ADAM23: variants seen among roughly 807,000 people sequenced by gnomAD.
ADAM23 encodes the protein ADAM metallopeptidase domain 23, also known as disintegrin and metalloproteinase domain-containing protein 23.
Under a neutral mutation model 120.1 loss-of-function variants are expected in ADAM23, and 33 were observed. The ratio of observed to expected loss-of-function variants is 0.27; its 90% CI spans 0.21 to 0.37. ADAM23 has a LOEUF of 0.37. Among genes scored for constraint, ADAM23 ranks in the 10% least tolerant of loss-of-function variants. The probability of loss-of-function intolerance (pLI) is 1.00; values close to 1 mark genes in which losing one functional copy is unlikely to be tolerated. For synonymous variants in ADAM23, 367 were observed against 375.2 expected, an observed-to-expected ratio of 0.98 and a Z score of 0.25; for missense variants, 862 against 1,058.2, an observed-to-expected ratio of 0.81 and a Z score of 2.57.
At chr2:206,594,377 A>T (rs1698481603) in intron 22 of ADAM23, among the ~76,000 whole-genome samples, 1 of 152,152 alleles carries the variant, frequency 6.6e-6, no homozygotes, top group African/African-American at 2.4e-5. Context: ...ACCATGCTAC[A>T]TCTGAAAGCC....
intron 3 of ADAM23, among the ~76,000 whole-genome samples, chr2:206,511,363 T>G (rs935978829): frequency 2.0e-5 from 3 of 152,224 alleles, no homozygotes; most frequent in African/African-American, 7.2e-5. Flanking sequence ...TCTTCCTGGT[T>G]ATCTGTGTTC....
At chr2:206,531,051 C>T (rs1697051270) in intron 4 of ADAM23, 103 bp downstream of exon 4, 1 of 806,090 alleles carries the variant, frequency 1.2e-6, no homozygotes, top group Non-Finnish European at 1.9e-6. Flanking sequence ...GTAAAATCAC[C>T]TGTGCTCTTT....
At chr2:206,483,312 G>A (rs992354447) in intron 3 of ADAM23, among the ~76,000 whole-genome samples, 1 of 152,136 alleles carries the variant, frequency 6.6e-6, no homozygotes, top group Admixed American at 6.6e-5. Flanking sequence ...AGGTTAAATG[G>A]TGAAGGGAAG....
At chr2:206,612,179 A>G (rs1317916769) in intron 25 of ADAM23, among the ~76,000 whole-genome samples, 1 of 152,154 alleles carries the variant, frequency 6.6e-6, no homozygotes, top group Non-Finnish European at 1.5e-5. Flanking sequence ...GAGGACCTTA[A>G]TTTGCTTTAG....
At chr2:206,546,286 T>G (rs777820649) in intron 6 of ADAM23, among the ~76,000 whole-genome samples, 5 of 152,222 alleles carry the variant, frequency 3.3e-5, no homozygotes, top group Non-Finnish European at 7.4e-5. Context: ...ATTTCATTAC[T>G]ATCTTTTCAC....
In ADAM23 at chr2:206,571,781, A is replaced by G; in HGVS notation, c.1621A>G (p.Ser541Gly). Reference sequence around the variant, plus strand: ...TTCCCTCTCCAACGGGGCTCACTGCAGCGACGGGCCCTGCTGTAACAATAC... The same window carrying G: ...TTCCCTCTCCAACGGGGCTCACTGCGGCGACGGGCCCTGCTGTAACAATAC... The part of the protein sequence containing the change: ...KCSLSNGAHC[S>G]DGPCCNNTSC... Residue 541 changes from serine to glycine, a missense_variant, in exon 17 of 26, where the codon AGC becomes GGC. Physicochemically the swap from Ser to Gly is moderately conservative, Grantham distance 56. Around this residue, in one of 4 missense-constraint regions of ADAM23, gnomAD observed 617 missense variants for 813.5 expected, o/e 0.76. Coordinates refer to ENST00000264377, the MANE Select transcript of ADAM23 (RefSeq NM_003812.4). The G allele has an allele frequency of 6.2e-7, 1 of 1,614,182 alleles. No individual in the cohort carries two copies. The highest frequency in any genetic ancestry group is 8.5e-7 in the Non-Finnish European group (1 of 1,180,002).
chr2:206,596,946 C>T (rs1698539520), intron 24 of ADAM23, among the ~76,000 whole-genome samples: 1 of 139,788 alleles, frequency 7.2e-6, no homozygotes, highest in African/African-American at 2.7e-5. Context: ...CTTGCTCTGT[C>T]ACCCAGGTAA....
chr2:206,594,460 G>T (rs1698482960), intron 22 of ADAM23, among the ~76,000 whole-genome samples: 1 of 152,076 alleles, frequency 6.6e-6, no homozygotes, highest in Admixed American at 6.5e-5. Context: ...TTAATGTTGG[G>T]TCTTGAAAAC....
intron 3 of ADAM23, among the ~76,000 whole-genome samples, chr2:206,527,900 CCTGAAAAGTAG>C (rs1696974154): frequency 6.6e-6 from 1 of 152,064 alleles, no homozygotes; most frequent in Admixed American, 6.6e-5. Flanking sequence ...CCATAGACCT[CCTGAAAAGTAG>C]CTGTTTTTCT....
At chr2:206,482,599 G>T (rs1009549574) in intron 3 of ADAM23, among the ~76,000 whole-genome samples, 6 of 152,128 alleles carry the variant, frequency 3.9e-5, no homozygotes, top group African/African-American at 1.4e-4. Flanking sequence ...GGTACTTAGA[G>T]GTCTGGAAAT....
intron 2 of ADAM23, among the ~76,000 whole-genome samples, chr2:206,478,725 T>C (rs1024808436): frequency 2.2e-4 from 34 of 152,204 alleles, no homozygotes; most frequent in African/African-American, 7.0e-4. Context: ...GAAAACCATT[T>C]TCCTACAGGC....
intron 3 of ADAM23, among the ~76,000 whole-genome samples, chr2:206,493,562 A>G (rs1235917621): frequency 6.6e-6 from 1 of 152,078 alleles, no homozygotes; most frequent in African/African-American, 2.4e-5. Flanking sequence ...TAGTAGAGAC[A>G]GTGTTTTGCC....
At chr2:206,562,316 T>A (rs753934757) in intron 13 of ADAM23, 23 bp downstream of exon 13, 1 of 1,577,888 alleles carries the variant, frequency 6.3e-7, no homozygotes, top group East Asian at 2.2e-5. Context: ...ACCTTCTTAC[T>A]CATTTTCATG....
intron 2 of ADAM23, among the ~76,000 whole-genome samples, chr2:206,466,349 T>C (rs1695542122): frequency 1.3e-5 from 2 of 152,228 alleles, no homozygotes; most frequent in Non-Finnish European, 1.5e-5. Flanking sequence ...TTTTGGGAAG[T>C]TTATAGTGCA....
intron 7 of ADAM23, 55 bp from the exon 8 acceptor site, chr2:206,548,226 C>T: frequency 1.3e-6 from 2 of 1,496,292 alleles, no homozygotes; most frequent in Non-Finnish European, 1.9e-6. Flanking sequence ...TATTTTAAAA[C>T]ATACTCCCAT....
At chr2:206,567,714 A>G (rs1684038588) in intron 15 of ADAM23, among the ~76,000 whole-genome samples, 1 of 152,204 alleles carries the variant, frequency 6.6e-6, no homozygotes, top group African/African-American at 2.4e-5. Context: ...TCTCCTTGAC[A>G]TTCTTTCTAG....
chr2:206,586,404 A>T (rs1698322096), intron 18 of ADAM23, among the ~76,000 whole-genome samples: 1 of 151,942 alleles, frequency 6.6e-6, no homozygotes, highest in Admixed American at 6.6e-5. Flanking sequence ...GTCAGATTGG[A>T]ATTATATTTT....
intron 3 of ADAM23, among the ~76,000 whole-genome samples, chr2:206,516,898 C>T (rs1696744896): frequency 6.6e-6 from 1 of 152,108 alleles, no homozygotes; most frequent in Admixed American, 6.6e-5. Context: ...TTTGGCCTAG[C>T]AGTTTGAGGG....
At chr2:206,501,434 C>A (rs1696385085) in intron 3 of ADAM23, among the ~76,000 whole-genome samples, 1 of 152,022 alleles carries the variant, frequency 6.6e-6, no homozygotes, top group South Asian at 2.1e-4. Flanking sequence ...CATTAGGCTA[C>A]TTCATTCAGT....
Sources: allele counts gnomAD v4.1 joint callset (sites outside exome capture counted in the v4.1 genomes callset), GRCh38; gene constraint gnomAD v4.1.1; regional missense constraint gnomAD v4.1.1; transcripts MANE v1.5; gene names NCBI Gene and HGNC (gene_info 2026-07-23, HGNC 2026-07-21).